Variants in PTPRD observed in about 807,000 individuals in gnomAD.
The protein encoded by PTPRD is protein tyrosine phosphatase receptor type D.
Under a neutral mutation model 214.5 loss-of-function variants are expected in PTPRD, and 34 were observed. The ratio of observed to expected loss-of-function variants is 0.16; its 90% CI spans 0.12 to 0.21. The LOEUF (loss-of-function observed/expected upper bound fraction) is 0.21, where lower values mean the gene tolerates loss of function less well. PTPRD is among the 10% of genes least tolerant of loss of function. The probability of loss-of-function intolerance (pLI) is 1.00; values close to 1 mark genes in which losing one functional copy is unlikely to be tolerated. For missense variants in PTPRD, 2,545 were observed against 2,398.7 expected (o/e 1.06, Z -1.27); for synonymous variants, 1,128 against 845.7 (o/e 1.33, Z -5.79).
At chr9:10,241,304 T>A (rs1376517901) in intron 3 of PTPRD, among the ~76,000 whole-genome samples, 1 of 151,902 alleles carries the variant, frequency 6.6e-6, no homozygotes, top group Admixed American at 6.6e-5. Flanking sequence ...TTTACAAAAA[T>A]TTAAAAATGC....
At chr9:8,844,469 T>C (rs1268482431) in intron 11 of PTPRD, among the ~76,000 whole-genome samples, 1 of 152,102 alleles carries the variant, frequency 6.6e-6, no homozygotes, top group African/African-American at 2.4e-5. Context: ...CAGTTTGGTA[T>C]ACTTTTTAAA....
chr9:9,362,719 A>G (rs185767746), intron 9 of PTPRD, among the ~76,000 whole-genome samples: 35 of 151,416 alleles, frequency 2.3e-4, no homozygotes, highest in Non-Finnish European at 7.4e-5. Flanking sequence ...TTTCTTTAAA[A>G]TCTATAATAC....
chr9:10,306,752 A>C (rs2096084017), intron 3 of PTPRD, among the ~76,000 whole-genome samples: 1 of 152,096 alleles, frequency 6.6e-6, no homozygotes, highest in Non-Finnish European at 1.5e-5. Flanking sequence ...ACAGCTCCTC[A>C]TTGAGCTAAT....
intron 9 of PTPRD, among the ~76,000 whole-genome samples, chr9:9,191,211 T>C (rs935854137): frequency 2.2e-4 from 34 of 152,110 alleles, no homozygotes; most frequent in African/African-American, 3.6e-4. Context: ...ACTAGCCCTA[T>C]AGAAGGGCCC....
intron 45 of PTPRD, 133 bp from the exon 46 acceptor site, chr9:8,318,075 C>A: frequency 1.4e-5 from 10 of 719,414 alleles, no homozygotes; most frequent in Middle Eastern, 4.0e-4. Context: ...GTCAACTGGT[C>A]TAATCCAATG....
intron 21 of PTPRD, among the ~76,000 whole-genome samples, chr9:8,515,230 T>C (rs943899564): frequency 2.6e-5 from 4 of 152,198 alleles, no homozygotes; most frequent in African/African-American, 7.2e-5. Context: ...TCCTCTTTGA[T>C]CTTCAATTTA....
chr9:10,389,664 T>G (rs187503601), intron 2 of PTPRD, among the ~76,000 whole-genome samples: 1 of 151,890 alleles, frequency 6.6e-6, no homozygotes, highest in African/African-American at 2.4e-5. Context: ...GCCAAAATCA[T>G]AGCACATGAC....
chr9:10,444,173 A>C (rs58787018), intron 2 of PTPRD, among the ~76,000 whole-genome samples: 13,063 of 151,824 alleles, frequency 0.086, 929 homozygotes, highest in African/African-American at 0.18. Context: ...ATGTTAGGTG[A>C]CTGTATCACC....
chr9:10,240,202 T>C (rs1034545196), intron 3 of PTPRD, among the ~76,000 whole-genome samples: 2 of 152,030 alleles, frequency 1.3e-5, no homozygotes, highest in South Asian at 2.1e-4. Flanking sequence ...ATATACTTCA[T>C]ATAACCTAAA....
intron 7 of PTPRD, among the ~76,000 whole-genome samples, chr9:9,725,123 GT>G (rs772372347): frequency 9.2e-5 from 14 of 152,062 alleles, no homozygotes; most frequent in Non-Finnish European, 1.9e-4. Context: ...TGCTTCAAAG[GT>G]GATATGGTTT....
chr9:9,021,009 G>A (rs1040226975), intron 10 of PTPRD, among the ~76,000 whole-genome samples: 2 of 152,040 alleles, frequency 1.3e-5, no homozygotes. Context: ...AATGTAGGCA[G>A]GACACAAAAA....
intron 3 of PTPRD, among the ~76,000 whole-genome samples, chr9:10,117,612 G>GTTTTTGTTTT (rs1413651561): frequency 1.4e-5 from 2 of 144,666 alleles, no homozygotes; most frequent in Admixed American, 1.4e-4. Flanking sequence ...AAATCTCCCC[G>GTTTTTGTTTT]TTTTTTTTTT....
At chr9:8,962,407 C>T (rs1288091365) in intron 11 of PTPRD, among the ~76,000 whole-genome samples, 1 of 152,028 alleles carries the variant, frequency 6.6e-6, no homozygotes, top group Non-Finnish European at 1.5e-5. Context: ...GACAGATTGT[C>T]TCTTTTCACA....
rs541214559 is a variant in PTPRD at position 8,491,054 on chromosome 9, G to C, written c.2467+1808C>G. Among the ~76,000 whole-genome samples the C allele has an allele frequency of 1.1e-4, 16 of 152,368 alleles. No homozygotes were observed. In the East Asian group the frequency reaches 3.1e-3, roughly 29 times the overall value. On this transcript the variant is annotated intron_variant, in intron 27 of 45. Coordinates refer to ENST00000381196, the MANE Select transcript of PTPRD (RefSeq NM_002839.4). ...ATTGCCTAGGGATAAACCATGAGTA[G>C]CGGCTGCTTATGCAAAGGAAAACTA... is the stretch of plus-strand genomic sequence containing the variant.
intron 3 of PTPRD, among the ~76,000 whole-genome samples, chr9:10,064,021 T>G (rs554312996): frequency 4.9e-5 from 7 of 143,650 alleles, no homozygotes; most frequent in South Asian, 2.1e-4. Flanking sequence ...ATATTTTCTG[T>G]TTTTTTTTCA....
At chr9:9,753,263 T>C (rs1270235349) in intron 6 of PTPRD, among the ~76,000 whole-genome samples, 1 of 151,992 alleles carries the variant, frequency 6.6e-6, no homozygotes, top group African/African-American at 2.4e-5. Flanking sequence ...TGTAGCTTCA[T>C]AGCCCAGAAC....
intron 12 of PTPRD, among the ~76,000 whole-genome samples, chr9:8,688,969 A>C (rs1214206491): frequency 6.6e-6 from 1 of 152,206 alleles, no homozygotes; most frequent in Non-Finnish European, 1.5e-5. Context: ...GAATGTTCTA[A>C]ATTTTATAAA....
At chr9:8,911,125 T>C (rs1208612880) in intron 11 of PTPRD, among the ~76,000 whole-genome samples, 4 of 152,184 alleles carry the variant, frequency 2.6e-5, no homozygotes, top group Non-Finnish European at 4.4e-5. Flanking sequence ...TTTTAAAATT[T>C]ATATGAATTC....
intron 3 of PTPRD, among the ~76,000 whole-genome samples, chr9:10,126,615 C>A (rs1310722152): frequency 6.6e-6 from 1 of 152,136 alleles, no homozygotes; most frequent in Non-Finnish European, 1.5e-5. Context: ...GGTTTCTCAT[C>A]ACTTAACTTT....
Sources: gnomAD v4.1 joint callset for allele counts (sites outside exome capture counted in the v4.1 genomes callset) on GRCh38, gnomAD v4.1.1 for gene constraint, MANE v1.5 for transcripts, NCBI Gene and HGNC (gene_info 2026-07-23, HGNC 2026-07-21) for gene names.